TBCCD1: variants seen among roughly 807,000 people sequenced by gnomAD.
The protein encoded by TBCCD1 is TBCC domain-containing protein 1.
TBCCD1 carries 26 observed loss-of-function variants against 53.4 expected under a neutral mutation model. The ratio of observed to expected loss-of-function variants is 0.49; its 90% CI spans 0.36 to 0.68. The LOEUF is 0.68. Among genes scored for constraint, TBCCD1 ranks in the 30% least tolerant of loss-of-function variants. The pLI is 0.00. For synonymous variants in TBCCD1, 245 were observed against 241.7 expected, an observed-to-expected ratio of 1.01 and a Z score of -0.13; for missense variants, 558 against 669.5, an observed-to-expected ratio of 0.83 and a Z score of 1.84.
At chr3:186,551,061 C>G in intron 7 of TBCCD1, 68 bp downstream of exon 7, 1 of 1,539,052 alleles carries the variant, frequency 6.5e-7, no homozygotes, top group Non-Finnish European at 8.7e-7. Context: ...ATATAATATT[C>G]TGTGCCTTTT....
At chr3:186,561,512 G>A (rs776298739) in intron 2 of TBCCD1, among the ~76,000 whole-genome samples, 16 of 152,190 alleles carry the variant, frequency 1.1e-4, no homozygotes, top group East Asian at 1.9e-4. Flanking sequence ...AAATAGGGCC[G>A]GGCGCGGTGG....
At chr3:186,550,361 G>A (rs1320238409) in intron 7 of TBCCD1, among the ~76,000 whole-genome samples, 1 of 152,198 alleles carries the variant, frequency 6.6e-6, no homozygotes, top group South Asian at 2.1e-4. Context: ...AAGGCAAGTG[G>A]ATCACCTGAG....
upstream of TBCCD1, among the ~76,000 whole-genome samples, chr3:186,568,293 A>G (rs1714895275): frequency 6.6e-6 from 1 of 152,202 alleles, no homozygotes; most frequent in South Asian, 2.1e-4. Context: ...GGAGTGTATA[A>G]CAGGGAGAAT....
At chr3:186,557,435 G>A (rs1331504516) in intron 3 of TBCCD1, among the ~76,000 whole-genome samples, 1 of 152,208 alleles carries the variant, frequency 6.6e-6, no homozygotes, top group Non-Finnish European at 1.5e-5. Context: ...TACATGTGGA[G>A]AGAGAGGTAG....
In TBCCD1 at chr3:186,554,504, T is replaced by G; in HGVS notation, c.1294A>C (p.Arg432=). ...TTAGGCACTGTAGCAAGGCCAGTCC[T>G]GGCCATATGGTCCTCTAGCATTGGG... The part of the protein sequence containing the change: ...HYPMLEDHMA[R]TGLATVPNYW... Residue 432 remains arginine, a synonymous_variant, in exon 6 of 8, where the codon AGG becomes CGG. Transcript: ENST00000338733. 1 of 1,614,272 alleles carries G rather than the reference T, an allele frequency of 6.2e-7. No individual in the cohort carries two copies. Among genetic ancestry groups the G allele is most frequent in the Middle Eastern group, 1.6e-4 (1 of 6,062 alleles).
intron 7 of TBCCD1, among the ~76,000 whole-genome samples, chr3:186,549,581 G>A (rs565823719): frequency 1.4e-4 from 22 of 152,318 alleles, no homozygotes; most frequent in South Asian, 1.2e-3. Context: ...TTGCTTGAGC[G>A]CAGGAGTTGG....
intron 2 of TBCCD1, 75 bp from the exon 3 acceptor site, chr3:186,558,647 A>T (rs2108460633): frequency 6.7e-7 from 1 of 1,499,630 alleles, no homozygotes; most frequent in South Asian, 1.3e-5. Context: ...AAGTAGACAT[A>T]GTAAATTCAC....
At position 186,558,556 on chromosome 3, in the gene TBCCD1, A is replaced by G. The variant is rs1714606472; in HGVS notation, c.353T>C (p.Leu118Pro). 1 of 1,613,782 alleles carries G rather than the reference A, an allele frequency of 6.2e-7. No individual in the cohort carries two copies. The highest frequency in any genetic ancestry group is 8.5e-7 in the Non-Finnish European group (1 of 1,179,896). Residue 118 changes from leucine (L) to proline (P), a missense_variant, in exon 3 of 8, where the codon CTA (leucine) becomes CCA (proline). Coordinates refer to ENST00000338733, the MANE Select transcript of TBCCD1 (RefSeq NM_018138.5). ...KQRNQLSVDT[L>P]QFLLFLYIQQ... Reference sequence around the variant, plus strand: ...AATGTATAAGAAGAGCAGAAACTGTAGCGTGTCCACTGAAAGCTGTCCAAG... The same window carrying G: ...AATGTATAAGAAGAGCAGAAACTGTGGCGTGTCCACTGAAAGCTGTCCAAG...
chr3:186,570,459 C>G (rs1165683403), upstream of TBCCD1: 4 of 482,360 alleles, frequency 8.3e-6, no homozygotes, highest in Non-Finnish European at 1.4e-5. Context: ...CTCACTCTGA[C>G]CGGCCCCCTA....
At chr3:186,557,976 A>G (rs1714588180) in intron 3 of TBCCD1, among the ~76,000 whole-genome samples, 1 of 152,250 alleles carries the variant, frequency 6.6e-6, no homozygotes, top group South Asian at 2.1e-4. Context: ...AAAATTCACA[A>G]TGTGAGGCAG....
At chr3:186,562,607 T>G (rs1207815251) in intron 2 of TBCCD1, among the ~76,000 whole-genome samples, 2 of 152,038 alleles carry the variant, frequency 1.3e-5, no homozygotes, top group Non-Finnish European at 2.9e-5. Flanking sequence ...GAAGATCTAC[T>G]CTACAGCATA....
intron 7 of TBCCD1, among the ~76,000 whole-genome samples, chr3:186,550,202 T>C (rs1012570337): frequency 7.3e-6 from 1 of 137,776 alleles, no homozygotes; most frequent in Non-Finnish European, 1.5e-5. Flanking sequence ...AACTCCAGCC[T>C]AGGTGACAGA....
intron 6 of TBCCD1, 139 bp downstream of exon 6, chr3:186,554,115 T>C (rs937730818): frequency 1.6e-6 from 2 of 1,216,478 alleles, no homozygotes; most frequent in Non-Finnish European, 2.3e-6. Context: ...CCCAAAGTGC[T>C]GGGATTATAG....
chr3:186,549,400 A>T (rs1714305862), intron 7 of TBCCD1, among the ~76,000 whole-genome samples: 2 of 152,162 alleles, frequency 1.3e-5, no homozygotes, highest in African/African-American at 4.8e-5. Context: ...GGGCAGGTGC[A>T]GTAGCTCATG....
Position 186,554,397 on chromosome 3 carries a change from A to C in TBCCD1, c.1401T>G (p.Tyr467Ter), listed in dbSNP as rs1714464983. ...CCATTTCAAAGGGAATAATAAATAC[A>C]TAGAATTCACAAGGTGGTAAAAGCT... ...VFQLLPPCEF[Y>*]VFIIPFEMEG... The change falls in exon 6 of 8, where the codon TAT (tyrosine) becomes TAG (stop). Residue 467 changes from tyrosine to a stop codon, truncating the protein, a stop_gained. Coordinates refer to ENST00000338733, the MANE Select transcript of TBCCD1 (RefSeq NM_018138.5). LOFTEE classifies it high-confidence loss of function. 1 of 1,614,130 alleles carries C rather than the reference A, an allele frequency of 6.2e-7. No homozygotes were observed. The highest frequency in any genetic ancestry group is 8.5e-7 in the Non-Finnish European group (1 of 1,180,068).
intron 7 of TBCCD1, among the ~76,000 whole-genome samples, chr3:186,547,420 T>C (rs1172398995): frequency 3.9e-5 from 6 of 151,910 alleles, no homozygotes; most frequent in Non-Finnish European, 8.8e-5. Context: ...CATGCTCAGC[T>C]AATTTTTAAT....
At chr3:186,556,922 C>A in intron 3 of TBCCD1, 147 bp from the exon 4 acceptor site, 1 of 988,228 alleles carries the variant, frequency 1.0e-6, no homozygotes, top group Non-Finnish European at 1.4e-6. Flanking sequence ...GGTGATCCGC[C>A]CGGCTTGGCC....
intron 1 of TBCCD1, among the ~76,000 whole-genome samples, chr3:186,566,705 A>G (rs556040564): frequency 3.5e-4 from 54 of 152,352 alleles, no homozygotes; most frequent in Middle Eastern, 6.8e-3. Context: ...AGTCTTAGAC[A>G]GGAAGCCAGG....
Position 186,554,987 on chromosome 3 carries a change from T to G in TBCCD1, c.957A>C (p.Thr319=). Residue 319 remains threonine, a synonymous_variant, in exon 5 of 8, where the codon ACA becomes ACC. Coordinates refer to ENST00000338733, the MANE Select transcript of TBCCD1 (RefSeq NM_018138.5). Reference sequence around the variant, plus strand: ...CCAGAGTGTCTGAGCTCTTAGCCAGTGTCTGCTTGTAAACCTGGCTCATCA... The same window carrying G: ...CCAGAGTGTCTGAGCTCTTAGCCAGGGTCTGCTTGTAAACCTGGCTCATCA... The part of the protein sequence containing the change: ...LVVMSQVYKQ[T]LAKSSDTLAG... 6.2e-7 allele frequency: 1 copy of G among 1,614,030 alleles called. No individual in the cohort carries two copies. Among genetic ancestry groups the G allele is most frequent in the East Asian group, 2.2e-5 (1 of 44,884 alleles).
Sources: allele counts gnomAD v4.1 joint callset (sites outside exome capture counted in the v4.1 genomes callset), GRCh38; gene constraint gnomAD v4.1.1; transcripts MANE v1.5; gene names NCBI Gene and HGNC (gene_info 2026-07-23, HGNC 2026-07-21).